RIF1: variants seen among roughly 807,000 people sequenced by gnomAD.
The protein encoded by RIF1 is replication timing regulatory factor 1.
A neutral mutation model predicts 247.1 loss-of-function variants in RIF1; 45 were observed. The ratio of observed to expected loss-of-function variants is 0.18; its 90% CI spans 0.14 to 0.23. The LOEUF (loss-of-function observed/expected upper bound fraction) is 0.23. Among genes scored for constraint, RIF1 ranks in the 10% least tolerant of loss-of-function variants. The pLI, the probability that RIF1 is intolerant of heterozygous loss-of-function variation, is 1.00. For missense variants in RIF1, 2,967 were observed against 2,862.5 expected, an observed-to-expected ratio of 1.04 and a Z score of -0.83; for synonymous variants, 1,087 against 978.8, an observed-to-expected ratio of 1.11 and a Z score of -2.06.
chr2:151,457,499 G>A lies in RIF1; in HGVS notation c.2653-262G>A, dbSNP rs145058050. Among the ~76,000 whole-genome samples, 419 of 152,192 alleles carry A rather than the reference G, an allele frequency of 2.8e-3. 2 individuals are homozygous for A. Among genetic ancestry groups the A allele is most frequent in the African/African-American group, 9.5e-3 (394 of 41,518 alleles). On this transcript the variant is annotated intron_variant, in intron 23 of 35. Coordinates refer to ENST00000444746, the MANE Select transcript of RIF1 (RefSeq NM_018151.5). ...AAAGTTTTCTAGGTGAACGTATGTA[G>A]GTAACTATTTATCTTGTTATAATTA... is the stretch of plus-strand genomic sequence containing the variant.
At chr2:151,527,075 G>T in the RIF1 span, 1 of 1,240,652 alleles carries the variant, frequency 8.1e-7, no homozygotes, top group Non-Finnish European at 1.2e-6. Context: ...ACAGGAGGAA[G>T]CTGGGCATTT....
the RIF1 span, among the ~76,000 whole-genome samples, chr2:151,528,911 A>C: frequency 7.9e-5 from 12 of 152,326 alleles, no homozygotes; most frequent in African/African-American, 1.9e-4. Context: ...GCACTTTCCA[A>C]AAATGCAACC....
rs1191429915 is a variant in RIF1 at position 151,492,097 on chromosome 2, C to T, written c.*416-3132C>T. On this transcript the variant is annotated intron_variant and NMD_transcript_variant, in intron 9 of 13. Coordinates refer to the RIF1 transcript ENST00000454583. ...CCCTCCCCCAACCCAGGCTCAGTTA[C>T]CTGTAATAGTCTCCTGATCTTGGTC... 6.2e-7 allele frequency: 1 copy of T among 1,613,736 alleles called. No individual in the cohort carries two copies. The highest frequency in any genetic ancestry group is 8.5e-7 in the Non-Finnish European group (1 of 1,179,708).
At chr2:151,490,372 C>G (rs2055412082) in intron 9 of RIF1, 1 of 1,587,500 alleles carries the variant, frequency 6.3e-7, no homozygotes, top group Admixed American at 1.8e-5. Context: ...GCACTTGTAC[C>G]TGTTGAGACT....
intron 27 of RIF1, among the ~76,000 whole-genome samples, chr2:151,461,496 A>T (rs545156557): frequency 2.0e-5 from 3 of 149,900 alleles, no homozygotes; most frequent in Admixed American, 1.3e-4. Flanking sequence ...GGTTCACGCT[A>T]TTCTCCTGCC....
intron 9 of RIF1, chr2:151,493,638 G>C: frequency 1.2e-6 from 1 of 825,034 alleles, no homozygotes; most frequent in Non-Finnish European, 1.8e-6. Context: ...GGGTTGGTTT[G>C]TTGTTTTTAA....
At position 151,456,524 on chromosome 2, in the gene RIF1, A is replaced by G. The variant is rs879130325; in HGVS notation, c.2610-54A>G. 2.2e-6 allele frequency: 2 copies of G among 895,718 alleles called. 1 individual carries two copies. Among genetic ancestry groups the G allele is most frequent in the South Asian group, 3.0e-5 (2 of 66,428 alleles). The allele number at this position is 895,718 out of a possible 1,614,324, so 55.5% of individuals were successfully genotyped here. A position where few individuals can be genotyped will look rare whatever the true frequency, so the allele number is the denominator to read the frequency against. ...TTTTCTTAGGATTAGCTTGATAGAT[A>G]GTACAGTGTTAACTTGCAGAAATAT... On this transcript the variant is annotated intron_variant, in intron 22 of 35. Transcript: ENST00000444746.
intron 11 of RIF1, among the ~76,000 whole-genome samples, chr2:151,500,108 G>C (rs1174307517): frequency 6.6e-6 from 1 of 151,804 alleles, no homozygotes; most frequent in African/African-American, 2.4e-5. Flanking sequence ...CAACCCACAG[G>C]GAAAACAATG....
At chr2:151,446,628 C>A in intron 20 of RIF1, 53 bp downstream of exon 20, 2 of 1,545,568 alleles carry the variant, frequency 1.3e-6, no homozygotes, top group Non-Finnish European at 8.8e-7. Context: ...GGATTCTTTT[C>A]AAGTAAATGG....
the RIF1 span, among the ~76,000 whole-genome samples, chr2:151,528,689 C>G: frequency 6.6e-6 from 1 of 152,208 alleles, no homozygotes; most frequent in Non-Finnish European, 1.5e-5. Flanking sequence ...GAAGTCAGTG[C>G]TCATCTAAAT....
At chr2:151,514,417 C>G in the RIF1 span, 1 of 1,609,654 alleles carries the variant, frequency 6.2e-7, no homozygotes, top group Non-Finnish European at 8.5e-7. Context: ...CTAGATCTTT[C>G]CTGTACTCTT....
the RIF1 span, among the ~76,000 whole-genome samples, chr2:151,516,291 TAACTG>T: frequency 6.6e-6 from 1 of 152,216 alleles, no homozygotes; most frequent in Non-Finnish European, 1.5e-5. Context: ...TTTTAAAAAA[TAACTG>T]AACCATAGGA....
intron 33 of RIF1, among the ~76,000 whole-genome samples, chr2:151,469,493 G>A (rs1697462863): frequency 6.6e-6 from 1 of 152,120 alleles, no homozygotes; most frequent in South Asian, 2.1e-4. Context: ...CACAAGGCAC[G>A]CAGTGGGCTC....
At chr2:151,474,193 G>A (rs2048796783) in intron 35 of RIF1, 121 bp downstream of exon 35, 13 of 650,556 alleles carry the variant, frequency 2.0e-5, no homozygotes, top group Admixed American at 5.4e-5. Flanking sequence ...TATGTTTAAT[G>A]TGAAGTATAT....
rs777807016 is a variant in RIF1 at position 151,463,086 on chromosome 2, C to G, written c.3566C>G (p.Ser1189Cys). Reference protein sequence around the residue: ...SSRKTSTECASSTENSFVVSS... With the variant: ...SSRKTSTECACSTENSFVVSS... ...AGGAAAACATCAACTGAATGTGCAT[C>G]TAGTACAGAAAATTCTTTCGTTGTC... The change falls in exon 30 of 36, where the codon TCT (serine) becomes TGT (cysteine). Residue 1189 changes from serine to cysteine, a missense_variant. Ser to Cys is a moderately radical substitution (Grantham distance 112, BLOSUM62 -1). Around this residue, in one of 7 missense-constraint regions of RIF1, gnomAD observed 2,028 missense variants for 1,825.6 expected, o/e 1.11. Transcript: ENST00000444746. 6.2e-7 allele frequency: 1 copy of G among 1,613,908 alleles called. No homozygotes were observed.
chr2:151,448,243 C>T (rs543679574), intron 20 of RIF1, among the ~76,000 whole-genome samples: 9 of 152,118 alleles, frequency 5.9e-5, no homozygotes, highest in South Asian at 2.1e-4. Flanking sequence ...GGGGTTTCAC[C>T]GTGTTGGCCA....
At chr2:151,445,650 C>G (rs1011711537) in intron 19 of RIF1, among the ~76,000 whole-genome samples, 3 of 151,984 alleles carry the variant, frequency 2.0e-5, no homozygotes, top group Non-Finnish European at 4.4e-5. Flanking sequence ...TGGGTTCAAG[C>G]AGTTCTCCTG....
In RIF1 at chr2:151,472,473, T is replaced by G. The variant is rs539279151; in HGVS notation, c.7096-1491T>G. On this transcript the variant is annotated intron_variant, in intron 34 of 35. Coordinates refer to ENST00000444746, the MANE Select transcript of RIF1 (RefSeq NM_018151.5). ...CAGTTTTCAAAGGGAATGCTTTCAG[T>G]TTTTGCCCATTCAGTATGATATTGG... Among the ~76,000 whole-genome samples, 29 of 152,302 alleles carry G rather than the reference T, an allele frequency of 1.9e-4. No individual in the cohort carries two copies. In the East Asian group the frequency reaches 4.8e-3, roughly 25 times the overall value.
chr2:151,524,394 G>C, the RIF1 span: 1 of 1,613,922 alleles, frequency 6.2e-7, no homozygotes, highest in Admixed American at 1.7e-5. Flanking sequence ...CCTTCCTTGC[G>C]GTGCTTGGCT....
Sources: gnomAD v4.1 joint callset for allele counts (sites outside exome capture counted in the v4.1 genomes callset) on GRCh38, gnomAD v4.1.1 for gene constraint, gnomAD v4.1.1 regional missense constraint, MANE v1.5 for transcripts, NCBI Gene and HGNC (gene_info 2026-07-23, HGNC 2026-07-21) for gene names.